Variants in SAMMSON observed in about 807,000 individuals in gnomAD.
The protein encoded by SAMMSON is long intergenic non-protein coding RNA 1212.
intron 4 of SAMMSON, among the ~76,000 whole-genome samples, chr3:70,220,262 C>T (rs978413987): frequency 1.1e-4 from 17 of 151,758 alleles, no homozygotes; most frequent in African/African-American, 1.9e-4. Flanking sequence ...GAAAATATGC[C>T]GCATTAAAAA....
intron 3 of SAMMSON, among the ~76,000 whole-genome samples, chr3:70,058,724 A>G (rs746012112): frequency 5.9e-5 from 9 of 152,078 alleles, no homozygotes; most frequent in Non-Finnish European, 1.3e-4. Flanking sequence ...TTGTTCCTCT[A>G]TAATAGGAGG....
At chr3:70,117,390 T>C (rs1346588045) in intron 4 of SAMMSON, among the ~76,000 whole-genome samples, 1 of 152,224 alleles carries the variant, frequency 6.6e-6, no homozygotes, top group Non-Finnish European at 1.5e-5. Flanking sequence ...CATCATAGTT[T>C]AAAATAGATA....
At chr3:70,280,265 G>C (rs2106680883) in intron 6 of SAMMSON, among the ~76,000 whole-genome samples, 1 of 152,120 alleles carries the variant, frequency 6.6e-6, no homozygotes, top group Admixed American at 6.5e-5. Context: ...TTAAATTTAG[G>C]TGCCACTCAT....
At chr3:70,039,577 C>A in intron 3 of SAMMSON, among the ~76,000 whole-genome samples, 1 of 145,988 alleles carries the variant, frequency 6.8e-6, no homozygotes, top group Non-Finnish European at 1.5e-5. Context: ...GATCCAATTC[C>A]TTAAAACACA....
At chr3:70,411,385 A>G (rs1419207387) in intron 2 of SAMMSON, among the ~76,000 whole-genome samples, 1 of 152,226 alleles carries the variant, frequency 6.6e-6, no homozygotes, top group Non-Finnish European at 1.5e-5. Flanking sequence ...ATTTCAGTAC[A>G]GAACTTTCAT....
Position 70,173,496 on chromosome 3 carries a change from G to A in SAMMSON, n.508-75611G>A, listed in dbSNP as rs771758881. Reference sequence around the variant, plus strand: ...CTAAAAAAGCAAATATATGGTATACGTTTTAAATCCCCTGTCTAGGCATTA... The same window carrying A: ...CTAAAAAAGCAAATATATGGTATACATTTTAAATCCCCTGTCTAGGCATTA... On this transcript the variant is annotated intron_variant and non_coding_transcript_variant, in intron 4 of 9. Transcript: ENST00000642114. Among the ~76,000 whole-genome samples, 25 of 151,908 alleles carry A rather than the reference G, an allele frequency of 1.6e-4. No individual in the cohort carries two copies. The Middle Eastern group carries it at 0.014, about 83-fold the overall frequency.
chr3:70,073,476 G>T (rs1213469291), intron 4 of SAMMSON, among the ~76,000 whole-genome samples: 4 of 151,964 alleles, frequency 2.6e-5, no homozygotes, highest in Non-Finnish European at 5.9e-5. Context: ...ACAATCTATC[G>T]CAGAGCTAGA....
intron 4 of SAMMSON, among the ~76,000 whole-genome samples, chr3:70,091,613 A>C (rs1366684508): frequency 3.9e-5 from 6 of 152,162 alleles, no homozygotes; most frequent in Non-Finnish European, 8.8e-5. Flanking sequence ...AGGCATCTTG[A>C]AAGTAACCAC....
At chr3:70,235,729 G>T (rs1701600345) in intron 4 of SAMMSON, among the ~76,000 whole-genome samples, 1 of 152,116 alleles carries the variant, frequency 6.6e-6, no homozygotes, top group Non-Finnish European at 1.5e-5. Context: ...ATTCAAATCA[G>T]GCCATTGATA....
At chr3:70,065,716 G>A (rs1003277746) in intron 3 of SAMMSON, among the ~76,000 whole-genome samples, 1 of 151,924 alleles carries the variant, frequency 6.6e-6, no homozygotes, top group Non-Finnish European at 1.5e-5. Flanking sequence ...AGAAGCCAGG[G>A]ATCCTGCTAA....
chr3:70,213,498 A>C (rs1022486097), intron 4 of SAMMSON, among the ~76,000 whole-genome samples: 1 of 152,260 alleles, frequency 6.6e-6, no homozygotes, highest in South Asian at 2.1e-4. Context: ...ACTATACTCC[A>C]GCTTAGAATT....
In SAMMSON at chr3:70,351,676, C is replaced by T. The variant is rs369751486; in HGVS notation, n.740-2499C>T. ...TGAAGAAATTGGTCACTCAGAAATGCTAATGAGCACAGATAAAACAAACAA... is the reference window on the plus strand; with the variant it reads ...TGAAGAAATTGGTCACTCAGAAATGTTAATGAGCACAGATAAAACAAACAA... On this transcript the variant is annotated intron_variant and non_coding_transcript_variant, in intron 7 of 9. Coordinates refer to ENST00000642114, the Ensembl canonical transcript of SAMMSON. 2.0e-3 allele frequency among the ~76,000 whole-genome samples: 217 copies of T among 109,564 alleles called. 2 individuals carry two copies. Among genetic ancestry groups the T allele is most frequent in the African/African-American group, 7.2e-3 (210 of 29,240 alleles). 71.9% of individuals were successfully genotyped at this position (109,564 alleles called of 152,430 possible). A position where few individuals can be genotyped will look rare whatever the true frequency, so the allele number is the denominator to read the frequency against.
At chr3:70,271,792 C>A (rs1382580648) in intron 6 of SAMMSON, 1 of 152,184 alleles carries the variant, frequency 6.6e-6, no homozygotes, top group Admixed American at 6.5e-5. Context: ...CAGATGGAGT[C>A]TTGCTCTGTC....
chr3:70,263,118 T>C (rs1160679564), intron 6 of SAMMSON, among the ~76,000 whole-genome samples: 2 of 152,196 alleles, frequency 1.3e-5, no homozygotes, highest in Non-Finnish European at 2.9e-5. Context: ...TTTATAATAG[T>C]TGTTTTGATA....
At chr3:70,380,847 T>A (rs1703060090) in intron 9 of SAMMSON, among the ~76,000 whole-genome samples, 1 of 152,180 alleles carries the variant, frequency 6.6e-6, no homozygotes, top group Non-Finnish European at 1.5e-5. Context: ...TCCAGCTTCA[T>A]CCATGCCCAT....
At chr3:70,313,320 T>G (rs909950828) in intron 7 of SAMMSON, among the ~76,000 whole-genome samples, 1 of 151,968 alleles carries the variant, frequency 6.6e-6, no homozygotes, top group African/African-American at 2.4e-5. Flanking sequence ...TTTAAATTTT[T>G]TTTTTAAAAG....
intron 4 of SAMMSON, among the ~76,000 whole-genome samples, chr3:70,192,144 C>T (rs929975341): frequency 6.6e-6 from 1 of 152,102 alleles, no homozygotes; most frequent in African/African-American, 2.4e-5. Context: ...CTCCATCTCG[C>T]CCTCCCACTT....
chr3:70,192,092 G>A (rs1701135237), intron 4 of SAMMSON, among the ~76,000 whole-genome samples: 2 of 151,876 alleles, frequency 1.3e-5, no homozygotes, highest in South Asian at 2.1e-4. Context: ...GGTGAAATTC[G>A]GATTTTAGTA....
At chr3:70,099,312 T>C (rs976131103) in intron 4 of SAMMSON, among the ~76,000 whole-genome samples, 4 of 152,206 alleles carry the variant, frequency 2.6e-5, no homozygotes, top group African/African-American at 4.8e-5. Context: ...TGAGTGATTA[T>C]ACCAATTTAC....
Sources: allele counts gnomAD v4.1 joint callset (sites outside exome capture counted in the v4.1 genomes callset), GRCh38; gene constraint gnomAD v4.1.1; transcripts MANE v1.5; gene names NCBI Gene and HGNC (gene_info 2026-07-23, HGNC 2026-07-21).